EYA4: variants seen among roughly 807,000 people sequenced by gnomAD.
The protein encoded by EYA4 is EYA transcriptional coactivator and phosphatase 4.
In EYA4, 31 loss-of-function variants were observed where a neutral mutation model predicts 87.9. The observed-to-expected ratio is 0.35, with a 90% CI of 0.27 to 0.48. The LOEUF (loss-of-function observed/expected upper bound fraction) is 0.48. Ranked by LOEUF, EYA4 falls within the 20% of genes least tolerant of loss-of-function variation. EYA4 has a pLI of 0.99. For synonymous variants in EYA4, 263 were observed against 270.6 expected (o/e 0.97, Z 0.28); for missense variants, 678 against 761.4 (o/e 0.89, Z 1.29).
chr6:133,392,139 A>G (rs1443590556), intron 3 of EYA4, among the ~76,000 whole-genome samples: 2 of 152,142 alleles, frequency 1.3e-5, no homozygotes, highest in African/African-American at 2.4e-5. Flanking sequence ...TCTTGTACCA[A>G]TTTTTGGCCT....
intron 6 of EYA4, among the ~76,000 whole-genome samples, 172 bp downstream of exon 6, chr6:133,456,820 A>T (rs1009380567): frequency 1.1e-4 from 16 of 152,232 alleles, no homozygotes; most frequent in African/African-American, 3.6e-4. Flanking sequence ...GCATTGTTAT[A>T]AATTATATTT....
chr6:133,302,601 A>T (rs894464362), intron 2 of EYA4, among the ~76,000 whole-genome samples: 1 of 152,204 alleles, frequency 6.6e-6, no homozygotes, highest in African/African-American at 2.4e-5. Context: ...TGAGACTTTT[A>T]AGAAAATATA....
intron 3 of EYA4, among the ~76,000 whole-genome samples, chr6:133,404,011 TC>T (rs1290581007): frequency 6.6e-6 from 1 of 152,018 alleles, no homozygotes; most frequent in Non-Finnish European, 1.5e-5. Context: ...ATGGGGTTTC[TC>T]CATGTTGGTC....
At chr6:133,273,098 T>TATATATATATATATATGTAA (rs1776860583) in intron 1 of EYA4, among the ~76,000 whole-genome samples, 1 of 83,098 alleles carries the variant, frequency 1.2e-5, no homozygotes, top group Non-Finnish European at 2.3e-5. Context: ...TATATATATG[T>TATATATATATATATATGTAA]ATATATATAT....
At chr6:133,279,498 A>G (rs1294178872) in intron 2 of EYA4, among the ~76,000 whole-genome samples, 1 of 152,042 alleles carries the variant, frequency 6.6e-6, no homozygotes, top group Non-Finnish European at 1.5e-5. Context: ...AAGCTATTCT[A>G]TTTGTATTTA....
At chr6:133,523,016 G>A (rs765305358) in intron 17 of EYA4, 40 bp from the exon 18 acceptor site, 8 of 1,540,190 alleles carry the variant, frequency 5.2e-6, no homozygotes, top group Non-Finnish European at 6.3e-6. Flanking sequence ...AAGTTATTTA[G>A]TATTAGAAAA....
chr6:133,299,452 C>T (rs930072274), intron 2 of EYA4, among the ~76,000 whole-genome samples: 2 of 152,018 alleles, frequency 1.3e-5, no homozygotes, highest in African/African-American at 4.8e-5. Context: ...TCGGCTGGGC[C>T]TGTGATCCCA....
At position 133,531,469 on chromosome 6, in the gene EYA4, T is replaced by C; in HGVS notation, c.*2664T>C. 1 of 476,080 alleles carries C rather than the reference T, an allele frequency of 2.1e-6. No homozygotes were observed. Among genetic ancestry groups the C allele is most frequent in the African/African-American group, 2.0e-5 (1 of 51,252 alleles). 29.5% of individuals were successfully genotyped at this position (476,080 alleles called of 1,614,324 possible). A position where few individuals can be genotyped will look rare whatever the true frequency, so the allele number is the denominator to read the frequency against. ...TGACATATGGAATATTGTGCCTTAT[T>C]GTAAACCAGTTTGAAAAATGTTCTG... On this transcript the variant is annotated 3_prime_UTR_variant, in exon 20 of 20. Coordinates refer to ENST00000355286, the MANE Select transcript of EYA4 (RefSeq NM_004100.5).
chr6:133,422,364 A>G (rs1470814322), intron 3 of EYA4, among the ~76,000 whole-genome samples: 1 of 152,234 alleles, frequency 6.6e-6, no homozygotes, highest in African/African-American at 2.4e-5. Context: ...ATCCACATAA[A>G]TATAAAATTG....
At position 133,266,653 on chromosome 6, in the gene EYA4, A is replaced by T. The variant is rs528877706; in HGVS notation, c.-65-8063A>T. On this transcript the variant is annotated intron_variant, in intron 1 of 19. Transcript: ENST00000355286. ...AATTATCAATGTTGTATTTTCTGAA[A>T]AGTTAAAATATTCCCATTCAGTAAA... Among the ~76,000 whole-genome samples, 20 of 152,312 alleles carry T rather than the reference A, an allele frequency of 1.3e-4. No individual in the cohort carries two copies. The South Asian group carries it at 2.9e-3, about 22-fold the overall frequency.
intron 2 of EYA4, among the ~76,000 whole-genome samples, chr6:133,367,335 G>A (rs1260350168): frequency 6.6e-6 from 1 of 152,132 alleles, no homozygotes; most frequent in Non-Finnish European, 1.5e-5. Context: ...TTATGGAGAG[G>A]GAGTAGACAA....
At chr6:133,282,605 T>TGTAG (rs10675419) in intron 2 of EYA4, among the ~76,000 whole-genome samples, 1 of 150,942 alleles carries the variant, frequency 6.6e-6, no homozygotes, top group Non-Finnish European at 1.5e-5. Flanking sequence ...TATATATGTA[T>TGTAG]ATATGGAGAG....
In EYA4 at chr6:133,298,877, C is replaced by G. The variant is rs192278048; in HGVS notation, c.33+24064C>G. 2.9e-3 allele frequency among the ~76,000 whole-genome samples: 447 copies of G among 152,290 alleles called. 3 individuals carry two copies. The highest frequency in any genetic ancestry group is 0.011 in the African/African-American group (438 of 41,552). On this transcript the variant is annotated intron_variant, in intron 2 of 19. Transcript: ENST00000355286. ...GTGAACACCTTCATTGACCGAATGC[C>G]TTTTAGGGGCAGCACCCTTTGCTTT...
intron 2 of EYA4, among the ~76,000 whole-genome samples, chr6:133,287,679 A>G (rs1185762968): frequency 2.6e-5 from 4 of 152,232 alleles, no homozygotes; most frequent in African/African-American, 9.6e-5. Context: ...CCTGGACATA[A>G]TGGAAAATTA....
At chr6:133,446,871 A>G in intron 4 of EYA4, 117 bp downstream of exon 4, 1 of 1,022,204 alleles carries the variant, frequency 9.8e-7, no homozygotes, top group Non-Finnish European at 1.5e-6. Context: ...AATCAGCATT[A>G]TATCCAAGGT....
At chr6:133,383,007 C>A (rs1786366153) in intron 3 of EYA4, among the ~76,000 whole-genome samples, 1 of 151,940 alleles carries the variant, frequency 6.6e-6, no homozygotes, top group African/African-American at 2.4e-5. Context: ...AGATGCCCAA[C>A]AGATTTTTTT....
At chr6:133,291,112 G>A (rs542718388) in intron 2 of EYA4, among the ~76,000 whole-genome samples, 2 of 152,164 alleles carry the variant, frequency 1.3e-5, no homozygotes, top group Admixed American at 6.6e-5. Flanking sequence ...TGGCTGCTAA[G>A]TTACTGTAGT....
chr6:133,262,571 A>G (rs1775884009), intron 1 of EYA4, among the ~76,000 whole-genome samples: 1 of 152,234 alleles, frequency 6.6e-6, no homozygotes, highest in African/African-American at 2.4e-5. Flanking sequence ...AAACACAGAC[A>G]AAATAGAACA....
rs1201039657 is a variant in EYA4, at chr6:133,343,567, A to AC, written c.34-38817dup. 8.6e-3 allele frequency among the ~76,000 whole-genome samples: 824 copies of AC among 95,706 alleles called. 2 individuals are homozygous for AC. The highest frequency in any genetic ancestry group is 0.025 in the African/African-American group (642 of 25,352). 62.8% of individuals were successfully genotyped at this position (95,706 alleles called of 152,430 possible). ...CACCACCACCAGCACCCCCGCCACCACCCCCCCCACCCACCCCACCACCCT... is the reference window on the plus strand; with the variant it reads ...CACCACCACCAGCACCCCCGCCACCACCCCCCCCCACCCACCCCACCACCCT... On this transcript the variant is annotated intron_variant, in intron 2 of 19. Coordinates refer to ENST00000355286, the MANE Select transcript of EYA4 (RefSeq NM_004100.5).
Sources: gnomAD v4.1 joint callset for allele counts (sites outside exome capture counted in the v4.1 genomes callset) on GRCh38, gnomAD v4.1.1 for gene constraint, MANE v1.5 for transcripts, NCBI Gene and HGNC (gene_info 2026-07-23, HGNC 2026-07-21) for gene names.